Variants in CCDC125 observed in about 807,000 individuals in gnomAD.
CCDC125 encodes coiled-coil domain containing 125.
In CCDC125, 43 loss-of-function variants were observed where a neutral mutation model predicts 57.4. The ratio of observed to expected loss-of-function variants is 0.75; its 90% CI spans 0.59 to 0.97. The LOEUF (loss-of-function observed/expected upper bound fraction) is 0.97, where lower values mean the gene tolerates loss of function less well. CCDC125 is among the 50% of genes least tolerant of loss of function. The pLI is 0.00. For synonymous variants in CCDC125, 187 were observed against 195.2 expected (o/e 0.96, Z 0.35); for missense variants, 563 against 595.7 (o/e 0.95, Z 0.57).
chr5:69,289,949 T>C (rs924947072), intron 10 of CCDC125, among the ~76,000 whole-genome samples: 2 of 152,100 alleles, frequency 1.3e-5, no homozygotes, highest in Non-Finnish European at 1.5e-5. Flanking sequence ...AAAACATTTT[T>C]AGAAATTAAT....
At chr5:69,275,882 A>C (rs1486200545), downstream of CCDC125, among the ~76,000 whole-genome samples, 1 of 152,146 alleles carries the variant, frequency 6.6e-6, no homozygotes, top group Non-Finnish European at 1.5e-5. Flanking sequence ...TTCATTTTTA[A>C]TCTTGGCTTC....
intron 2 of CCDC125, among the ~76,000 whole-genome samples, chr5:69,315,263 T>C (rs141155280): frequency 2.0e-5 from 3 of 147,512 alleles, no homozygotes; most frequent in African/African-American, 2.5e-5. Flanking sequence ...CTCGAAAAAA[T>C]AAAAAAAATA....
At chr5:69,278,355 G>A (rs1752307050), downstream of CCDC125, among the ~76,000 whole-genome samples, 2 of 149,206 alleles carry the variant, frequency 1.3e-5, no homozygotes, top group African/African-American at 4.9e-5. Context: ...ACAGGTATGT[G>A]CCACCACGCC....
chr5:69,325,800 G>C (rs2150658056), intron 1 of CCDC125, among the ~76,000 whole-genome samples: 1 of 144,926 alleles, frequency 6.9e-6, no homozygotes, highest in South Asian at 2.2e-4. Context: ...CTCCAACCTG[G>C]GTGAAAAAGC....
chr5:69,324,929 ATTAATGGTTGC>A (rs1760538139), intron 1 of CCDC125, among the ~76,000 whole-genome samples: 1 of 152,218 alleles, frequency 6.6e-6, no homozygotes, highest in African/African-American at 2.4e-5. Context: ...TGGTAAACAA[ATTAATGGTTGC>A]TTGGCATTGG....
chr5:69,282,457 G>C lies in CCDC125; in HGVS notation c.*272C>G. On this transcript the variant is annotated 3_prime_UTR_variant, in exon 12 of 12. Coordinates refer to ENST00000396496, the MANE Select transcript of CCDC125 (RefSeq NM_176816.5). The stretch of plus-strand genomic sequence containing the variant: ...CATGCCTGTAATCCGAGTTACTCGG[G>C]AGGCTGAGGCAGGAGAATTGCTTGA... 1 of 288,722 alleles carries C rather than the reference G, an allele frequency of 3.5e-6. No homozygotes were observed. Among genetic ancestry groups the C allele is most frequent in the Non-Finnish European group, 6.4e-6 (1 of 157,060 alleles). 17.9% of individuals were successfully genotyped at this position (288,722 alleles called of 1,614,324 possible). A position where few individuals can be genotyped will look rare whatever the true frequency, so the allele number is the denominator to read the frequency against.
downstream of CCDC125, among the ~76,000 whole-genome samples, chr5:69,279,194 G>T (rs1008657164): frequency 8.0e-6 from 1 of 124,790 alleles, no homozygotes; most frequent in Non-Finnish European, 1.6e-5. Flanking sequence ...GCTCATGCAG[G>T]TTTGTTTTTT....
chr5:69,281,586 T>C lies in CCDC125; in HGVS notation c.*1143A>G, dbSNP rs1391597311. On this transcript the variant is annotated 3_prime_UTR_variant, in exon 12 of 12. Transcript: ENST00000396496. ...CGCAGCCGGCACTGACTCAATATAC[T>C]TCTGCCAAGGTCCCACCATCAAAAC... The C allele has an allele frequency of 6.6e-6, 1 of 152,206 alleles. No homozygotes were observed. The highest frequency in any genetic ancestry group is 1.5e-5 in the Non-Finnish European group (1 of 68,040). The allele number at this position is 152,206 out of a possible 1,614,324, so 9.4% of individuals were successfully genotyped here.
chr5:69,304,335 C>T (rs533881933), intron 6 of CCDC125, among the ~76,000 whole-genome samples: 1 of 152,092 alleles, frequency 6.6e-6, no homozygotes, highest in Non-Finnish European at 1.5e-5. Flanking sequence ...GAACTCCTGA[C>T]CTCAAGTGAT....
chr5:69,294,230 G>A (rs1180562670), intron 9 of CCDC125: 1 of 601,788 alleles, frequency 1.7e-6, no homozygotes, highest in Non-Finnish European at 2.1e-6. Flanking sequence ...GTATAGATGA[G>A]AACATATAAA....
Position 69,311,101 on chromosome 5 carries a change from TA to T in CCDC125, c.453+16del. On this transcript the variant is annotated intron_variant, in intron 4 of 11. Transcript: ENST00000396496. ...TTGGAATGTGTAAATGGTGAAAGTT[TA>T]AAAACAACTTCTTACCATGCTTTGA... is the stretch of plus-strand genomic sequence containing the variant. 1 of 1,557,454 alleles carries T rather than the reference TA, an allele frequency of 6.4e-7. No individual in the cohort carries two copies. The highest frequency in any genetic ancestry group is 8.8e-7 in the Non-Finnish European group (1 of 1,133,928).
chr5:69,274,108 A>G, the CCDC125 span, among the ~76,000 whole-genome samples: 1 of 152,180 alleles, frequency 6.6e-6, no homozygotes, highest in East Asian at 1.9e-4. Context: ...TAAACTTGAG[A>G]CCACATTTAA....
chr5:69,279,881 T>C (rs531147986), downstream of CCDC125, among the ~76,000 whole-genome samples: 4 of 152,292 alleles, frequency 2.6e-5, no homozygotes, highest in East Asian at 7.7e-4. Flanking sequence ...AGAGGTTTAA[T>C]TGACTCATAG....
Position 69,320,407 on chromosome 5 carries a change from G to GA in CCDC125, c.133dup (p.Ser45PhefsTer3), listed in dbSNP as rs761791833. The GA allele has an allele frequency of 1.1e-5, 17 of 1,614,108 alleles. No individual in the cohort carries two copies. Among genetic ancestry groups the GA allele is most frequent in the Non-Finnish European group, 1.4e-5 (17 of 1,180,006 alleles). ...ATCTGATCTTTTTCTAGACCTATGTGAAAATTCTATTTCATAAATCCCACC... is the reference window on the plus strand; with the variant it reads ...ATCTGATCTTTTTCTAGACCTATGTGAAAAATTCTATTTCATAAATCCCACC... On this transcript the variant is annotated frameshift_variant, in exon 2 of 12. Transcript: ENST00000396496. LOFTEE classifies it high-confidence loss of function.
At chr5:69,297,332 C>T (rs982711865) in intron 8 of CCDC125, among the ~76,000 whole-genome samples, 15 of 151,538 alleles carry the variant, frequency 9.9e-5, no homozygotes, top group Non-Finnish European at 1.8e-4. Context: ...TGAGCCACTG[C>T]GGCTGGCCTG....
intron 3 of CCDC125, chr5:69,313,754 A>C: frequency 1.3e-6 from 1 of 781,204 alleles, no homozygotes; most frequent in Non-Finnish European, 2.4e-6. Flanking sequence ...GTCTTCACTC[A>C]GGCGGAAGAG....
chr5:69,288,848 C>T (rs1052468392), intron 10 of CCDC125, among the ~76,000 whole-genome samples: 3 of 152,196 alleles, frequency 2.0e-5, no homozygotes, highest in African/African-American at 7.2e-5. Context: ...ATAGGATACC[C>T]AGCTGGTGTG....
chr5:69,317,671 A>G (rs1256733184), intron 2 of CCDC125, among the ~76,000 whole-genome samples: 1 of 152,218 alleles, frequency 6.6e-6, no homozygotes, highest in African/African-American at 2.4e-5. Flanking sequence ...CAGACTCCCG[A>G]TCATTTTGGA....
chr5:69,276,913 A>G (rs1301461330), downstream of CCDC125, among the ~76,000 whole-genome samples: 1 of 152,218 alleles, frequency 6.6e-6, no homozygotes, highest in African/African-American at 2.4e-5. Flanking sequence ...TATGGGAACT[A>G]TGTATGTGTA....
Sources: allele counts gnomAD v4.1 joint callset (sites outside exome capture counted in the v4.1 genomes callset), GRCh38; gene constraint gnomAD v4.1.1; transcripts MANE v1.5; gene names NCBI Gene and HGNC (gene_info 2026-07-23, HGNC 2026-07-21).